PRDM16: variants seen among roughly 807,000 people sequenced by gnomAD.
The protein encoded by PRDM16 is histone-lysine N-methyltransferase PRDM16.
A neutral mutation model predicts 110.6 loss-of-function variants in PRDM16; 23 were observed. That is an observed-to-expected ratio of 0.21 (90% CI 0.15 to 0.29). The LOEUF (loss-of-function observed/expected upper bound fraction) is 0.29. PRDM16 is among the 10% of genes least tolerant of loss of function. The pLI is 1.00. For synonymous variants in PRDM16, 799 were observed against 781.8 expected (o/e 1.02, Z -0.37); for missense variants, 1,615 against 1,794.3 (o/e 0.90, Z 1.81).
At chr1:3,404,620 C>A in intron 6 of PRDM16, 119 bp from the exon 7 acceptor site, 3 of 1,255,768 alleles carry the variant, frequency 2.4e-6, no homozygotes, top group Non-Finnish European at 3.3e-6. Flanking sequence ...GTGCTCTGAT[C>A]CCTCGGCAGC....
intron 1 of PRDM16, among the ~76,000 whole-genome samples, chr1:3,096,440 G>T (rs1642402298): frequency 3.3e-5 from 5 of 152,206 alleles, no homozygotes; most frequent in Admixed American, 3.3e-4. Context: ...GAGGTCATGG[G>T]AGGGGAGGCG....
intron 3 of PRDM16, among the ~76,000 whole-genome samples, chr1:3,321,818 A>C (rs550542284): frequency 6.9e-6 from 1 of 145,630 alleles, no homozygotes; most frequent in South Asian, 2.2e-4. Flanking sequence ...GTAGGTGCAC[A>C]TGTGTACATG....
At chr1:3,321,594 TG>T (rs962448785) in intron 3 of PRDM16, among the ~76,000 whole-genome samples, 4 of 149,126 alleles carry the variant, frequency 2.7e-5, no homozygotes, top group African/African-American at 4.9e-5. Flanking sequence ...GTCACGTTTC[TG>T]GGGGGTTGCA....
chr1:3,208,883 C>T lies in PRDM16; in HGVS notation c.387+22409C>T, dbSNP rs1294686655. Among the ~76,000 whole-genome samples, 1 of 152,160 alleles carries T rather than the reference C, an allele frequency of 6.6e-6. No individual in the cohort carries two copies. Among genetic ancestry groups the T allele is most frequent in the African/African-American group, 2.4e-5 (1 of 41,434 alleles). ...TGCCTGTCCAGAGGCCCCCCCAGGT[C>T]CCCACGAGTGGGTGGAAAGTCTTGG... is the stretch of plus-strand genomic sequence containing the variant. On this transcript the variant is annotated intron_variant, in intron 2 of 16. Transcript: ENST00000270722. This position sits in a 1 kb window ranked among gnomAD's most constrained non-coding sequence, Gnocchi z 6.1.
intron 3 of PRDM16, among the ~76,000 whole-genome samples, chr1:3,303,568 T>C (rs1385948237): frequency 6.6e-6 from 1 of 152,238 alleles, no homozygotes; most frequent in Non-Finnish European, 1.5e-5. Context: ...TCATTACTCT[T>C]GGCCGTATTC....
At chr1:3,391,447 G>A (rs1021821566) in intron 4 of PRDM16, among the ~76,000 whole-genome samples, 5 of 152,134 alleles carry the variant, frequency 3.3e-5, no homozygotes, top group South Asian at 2.1e-4. Flanking sequence ...TTTCCTGCTC[G>A]TTACAGGCTC....
In PRDM16 at chr1:3,390,191, G is replaced by A. The variant is rs1003013631; in HGVS notation, c.573+4905G>A. Among the ~76,000 whole-genome samples, 10 of 152,172 alleles carry A rather than the reference G, an allele frequency of 6.6e-5. No homozygotes were observed. Among genetic ancestry groups the A allele is most frequent in the African/African-American group, 1.2e-4 (5 of 41,430 alleles). On this transcript the variant is annotated intron_variant, in intron 4 of 16. Transcript: ENST00000270722. This position sits in a 1 kb window ranked among gnomAD's most constrained non-coding sequence, Gnocchi z 5.0. Reference sequence around the variant, plus strand: ...GAGGCAGGGAGGAGCTGTCACAGCCGGCGCTTTCTGTTTTTTGGTTTATCT... The same window carrying A: ...GAGGCAGGGAGGAGCTGTCACAGCCAGCGCTTTCTGTTTTTTGGTTTATCT...
intron 3 of PRDM16, among the ~76,000 whole-genome samples, chr1:3,315,899 C>A (rs907630348): frequency 6.6e-6 from 1 of 152,020 alleles, no homozygotes; most frequent in African/African-American, 2.4e-5. Context: ...CAAAGAGATG[C>A]GTTGCCCGAG....
intron 4 of PRDM16, among the ~76,000 whole-genome samples, chr1:3,385,619 G>A (rs1569640121): frequency 6.6e-6 from 1 of 152,190 alleles, no homozygotes; most frequent in Non-Finnish European, 1.5e-5. Context: ...TGCAAATGCC[G>A]CTTCCCTGAA....
intron 3 of PRDM16, among the ~76,000 whole-genome samples, chr1:3,346,242 C>T (rs893801736): frequency 1.2e-4 from 19 of 152,228 alleles, no homozygotes; most frequent in African/African-American, 3.4e-4. Context: ...CCCTGCCCCA[C>T]GGCGGTGAGC....
chr1:3,258,799 G>A (rs11810297), intron 3 of PRDM16, among the ~76,000 whole-genome samples: 1 of 152,250 alleles, frequency 6.6e-6, no homozygotes, highest in South Asian at 2.1e-4. Context: ...GGGTGAGCGC[G>A]CGGCGGCTTC....
At chr1:3,277,216 A>T (rs1363844946) in intron 3 of PRDM16, among the ~76,000 whole-genome samples, 1 of 152,118 alleles carries the variant, frequency 6.6e-6, no homozygotes, top group Non-Finnish European at 1.5e-5. Flanking sequence ...AGACTAGTGG[A>T]CGTGGCCGGC....
intron 2 of PRDM16, among the ~76,000 whole-genome samples, chr1:3,204,006 G>A (rs1224997864): frequency 6.6e-6 from 1 of 152,194 alleles, no homozygotes; most frequent in Non-Finnish European, 1.5e-5. Context: ...CCCCTCTGCG[G>A]ACTCGAAGGG....
chr1:3,140,585 A>C, intron 1 of PRDM16, among the ~76,000 whole-genome samples: 1 of 152,210 alleles, frequency 6.6e-6, no homozygotes, highest in East Asian at 1.9e-4. Context: ...GGAGCAATTC[A>C]TTAAGGGCTA....
chr1:3,437,672 A>C lies in PRDM16; in HGVS notation c.*3861A>C, dbSNP rs1428950760. The C allele has an allele frequency of 4.4e-6, 1 of 226,286 alleles. No individual in the cohort carries two copies. The highest frequency in any genetic ancestry group is 8.8e-6 in the Non-Finnish European group (1 of 113,830). The allele number at this position is 226,286 out of a possible 1,614,324, so 14.0% of individuals were successfully genotyped here. On this transcript the variant is annotated 3_prime_UTR_variant, in exon 17 of 17. Transcript: ENST00000270722. ...ACCATCCTTGCATTCTTCCTAGAAG[A>C]GTTCCTCTGCTCCTTCCATTCCATT...
chr1:3,086,676 G>A (rs1036107311), intron 1 of PRDM16, among the ~76,000 whole-genome samples: 8 of 152,152 alleles, frequency 5.3e-5, no homozygotes, highest in South Asian at 2.1e-4. Context: ...GCCCTCCACC[G>A]GAGAGTTTTT....
chr1:3,428,359 GAA>G (rs142698646), intron 14 of PRDM16, among the ~76,000 whole-genome samples: 1,926 of 146,722 alleles, frequency 0.013, 115 homozygotes, highest in African/African-American at 0.049. Context: ...GTCTCTAAGA[GAA>G]AGAGATGTGG....
At chr1:3,409,625 CAGAG>C (rs1252915407) in intron 8 of PRDM16, among the ~76,000 whole-genome samples, 1 of 151,924 alleles carries the variant, frequency 6.6e-6, no homozygotes, top group Non-Finnish European at 1.5e-5. Context: ...AATTGTCCTA[CAGAG>C]AGAGACACTC....
intron 3 of PRDM16, among the ~76,000 whole-genome samples, chr1:3,280,301 G>C (rs1228275311): frequency 6.6e-6 from 1 of 152,256 alleles, no homozygotes; most frequent in Non-Finnish European, 1.5e-5. Context: ...GTGTGCACGT[G>C]TGTGTGCATG....
Sources: allele counts gnomAD v4.1 joint callset (sites outside exome capture counted in the v4.1 genomes callset), GRCh38; gene constraint gnomAD v4.1.1; non-coding constraint Gnocchi (gnomAD v3.1); transcripts MANE v1.5; gene names NCBI Gene and HGNC (gene_info 2026-07-23, HGNC 2026-07-21).